CLC: variants seen among roughly 807,000 people sequenced by gnomAD.
CLC encodes the protein galectin-10.
A neutral mutation model predicts 13.9 loss-of-function variants in CLC; 15 were observed. The observed-to-expected ratio is 1.08, with a 90% CI of 0.72 to 1.66. The LOEUF (loss-of-function observed/expected upper bound fraction) is 1.66, where lower values mean the gene tolerates loss of function less well. Ranked by LOEUF, CLC falls within the 40% of genes most tolerant of loss-of-function variation. The pLI is 0.00. For synonymous variants in CLC, 68 were observed against 59.9 expected (o/e 1.14, Z -0.63); for missense variants, 161 against 169.1 (o/e 0.95, Z 0.27).
At chr19:39,734,728 G>T (rs1015398575) in intron 2 of CLC, among the ~76,000 whole-genome samples, 2 of 152,116 alleles carry the variant, frequency 1.3e-5, no homozygotes, top group Non-Finnish European at 2.9e-5. Context: ...CATATGAATT[G>T]CCCATTTTCT....
chr19:39,731,460 T>C lies in CLC; in HGVS notation c.349A>G (p.Lys117Glu), dbSNP rs1360617433. The change falls in exon 4 of 4, where the codon AAG becomes GAG. Residue 117 changes from lysine (K) to glutamate (E), a missense_variant. Lys to Glu is a moderately conservative substitution (Grantham distance 56). Coordinates refer to ENST00000221804, the MANE Select transcript of CLC (RefSeq NM_001828.6). ...TGCACCATCTTCACAGCCTCAGGCT[T>C]GATTCTATGGTCAAAGGTGTAAGAG... ...QSSYTFDHRI[K>E]PEAVKMVQVW... is the part of the protein sequence containing the mutation. The C allele has an allele frequency of 6.2e-7, 1 of 1,613,710 alleles. No homozygotes were observed.
intron 3 of CLC, 39 bp from the exon 4 acceptor site, chr19:39,731,544 C>T (rs747742417): frequency 1.9e-6 from 3 of 1,572,414 alleles, no homozygotes; most frequent in Non-Finnish European, 2.6e-6. Context: ...GACAGTATTT[C>T]ACCAAACAAG....
chr19:39,735,826 G>A lies in CLC; in HGVS notation c.16-753C>T, dbSNP rs185063673. On this transcript the variant is annotated intron_variant, in intron 1 of 3. Transcript: ENST00000221804. The stretch of plus-strand genomic sequence containing the variant: ...GGGTCCTTGTGGAACACTGACCTGC[G>A]ATCATCTTCAACTCTGAAACTGTGA... Among the ~76,000 whole-genome samples the A allele has an allele frequency of 3.9e-5, 6 of 152,262 alleles. No homozygotes were observed. In the East Asian group the frequency reaches 7.7e-4, roughly 20 times the overall value.
chr19:39,733,944 T>G (rs1967266620), intron 3 of CLC: 1 of 984,668 alleles, frequency 1.0e-6, no homozygotes, highest in Admixed American at 6.1e-5. Flanking sequence ...ATAGAGGATA[T>G]TCTCCATTTG....
At chr19:39,735,998 G>T (rs1291706053) in intron 1 of CLC, among the ~76,000 whole-genome samples, 1 of 152,060 alleles carries the variant, frequency 6.6e-6, no homozygotes, top group Non-Finnish European at 1.5e-5. Context: ...GTGTTTACTT[G>T]GCTAAAATCT....
chr19:39,732,434 A>C (rs1427370505), intron 3 of CLC, among the ~76,000 whole-genome samples: 39 of 76,592 alleles, frequency 5.1e-4, no homozygotes, highest in South Asian at 3.6e-3. Flanking sequence ...ATGGCTGCAT[A>C]GTATTCCATG....
chr19:39,734,197 A>T (rs1967271639), intron 3 of CLC, 86 bp downstream of exon 3: 2 of 1,438,766 alleles, frequency 1.4e-6, no homozygotes, highest in Non-Finnish European at 9.5e-7. Flanking sequence ...GGACAGAGGG[A>T]GTTATCTGGA....
At chr19:39,732,740 A>G (rs1055625739) in intron 3 of CLC, among the ~76,000 whole-genome samples, 2 of 151,022 alleles carry the variant, frequency 1.3e-5, no homozygotes, top group African/African-American at 4.9e-5. Flanking sequence ...CCTCTCCAGC[A>G]CCTGTTGTTT....
chr19:39,736,252 A>C (rs1967307995), intron 1 of CLC, among the ~76,000 whole-genome samples: 2 of 152,134 alleles, frequency 1.3e-5, no homozygotes, highest in African/African-American at 4.8e-5. Flanking sequence ...ACGAACAGGA[A>C]AGAACAGGAA....
chr19:39,731,270 T>C lies in CLC; in HGVS notation c.*110A>G. The stretch of plus-strand genomic sequence containing the variant: ...CCAAATTCTGTGAAGTTTGATTAAG[T>C]TTTAATGAGCAGGAGTAAGGATTGA... On this transcript the variant is annotated 3_prime_UTR_variant, in exon 4 of 4. Coordinates refer to ENST00000221804, the MANE Select transcript of CLC (RefSeq NM_001828.6). The C allele has an allele frequency of 8.1e-7, 1 of 1,231,916 alleles. No individual in the cohort carries two copies. The highest frequency in any genetic ancestry group is 1.2e-6 in the Non-Finnish European group (1 of 857,384). 76.3% of individuals were successfully genotyped at this position (1,231,916 alleles called of 1,614,324 possible).
chr19:39,734,715 G>A (rs545234087), intron 2 of CLC, among the ~76,000 whole-genome samples: 1 of 152,246 alleles, frequency 6.6e-6, no homozygotes, highest in East Asian at 1.9e-4. Context: ...TCACTGACTT[G>A]GTCATATGAA....
In CLC at chr19:39,735,089, G is replaced by A; in HGVS notation, c.16-16C>T. ...TGTATGGCACCTGCCAGGGGATTGAGAGTGGGTGAGAGAGGCAGGGCCAGG... is the reference window on the plus strand; with the variant it reads ...TGTATGGCACCTGCCAGGGGATTGAAAGTGGGTGAGAGAGGCAGGGCCAGG... On this transcript the variant is annotated splice_polypyrimidine_tract_variant and intron_variant, in intron 1 of 3. Coordinates refer to ENST00000221804, the MANE Select transcript of CLC (RefSeq NM_001828.6). The A allele has an allele frequency of 6.3e-7, 1 of 1,599,864 alleles. No individual in the cohort carries two copies. Among genetic ancestry groups the A allele is most frequent in the Non-Finnish European group, 8.6e-7 (1 of 1,167,170 alleles).
chr19:39,735,428 A>T (rs1600847089), intron 1 of CLC, among the ~76,000 whole-genome samples: 2 of 152,184 alleles, frequency 1.3e-5, no homozygotes. Context: ...GGCTCAAGCC[A>T]TCCTCTCAAT....
intron 1 of CLC, among the ~76,000 whole-genome samples, chr19:39,737,293 C>A (rs1161158763): frequency 6.6e-6 from 1 of 151,680 alleles, no homozygotes; most frequent in Non-Finnish European, 1.5e-5. Flanking sequence ...CTCATAAATG[C>A]TCAGAGATAA....
chr19:39,733,820 A>G (rs1967264408), intron 3 of CLC: 1 of 357,104 alleles, frequency 2.8e-6, no homozygotes, highest in Non-Finnish European at 3.6e-6. Context: ...TGTTCTGAGG[A>G]TTGGGATTGA....
chr19:39,734,204 T>C, intron 3 of CLC, 79 bp downstream of exon 3: 1 of 1,483,778 alleles, frequency 6.7e-7, no homozygotes, highest in Non-Finnish European at 9.2e-7. Flanking sequence ...GGGAGTTATC[T>C]GGAGTTAGGG....
intron 3 of CLC, chr19:39,733,986 T>A (rs1967267260): frequency 1.0e-6 from 1 of 985,194 alleles, no homozygotes; most frequent in Non-Finnish European, 1.2e-6. Context: ...ACATTGACCC[T>A]GGTCAGGTAT....
At chr19:39,737,408 C>A (rs1164461207) in intron 1 of CLC, among the ~76,000 whole-genome samples, 4 of 151,878 alleles carry the variant, frequency 2.6e-5, no homozygotes, top group Non-Finnish European at 2.9e-5. Flanking sequence ...TGGGGAGGAA[C>A]CTTCACATGC....
chr19:39,733,884 A>G lies in CLC; in HGVS notation c.303+399T>C, dbSNP rs1476248701. ...CTAAAACAATTTTATTCATGTGTAT[A>G]TCTTATCCATTTAGCTACATGAAAA... On this transcript the variant is annotated intron_variant, in intron 3 of 3. Coordinates refer to ENST00000221804, the MANE Select transcript of CLC (RefSeq NM_001828.6). The G allele has an allele frequency of 4.2e-6, 4 of 959,148 alleles. No homozygotes were observed. The African/African-American group carries it at 5.3e-5, about 13-fold the overall frequency. 59.4% of individuals were successfully genotyped at this position (959,148 alleles called of 1,614,324 possible).
Sources: gnomAD v4.1 joint callset for allele counts (sites outside exome capture counted in the v4.1 genomes callset) on GRCh38, gnomAD v4.1.1 for gene constraint, MANE v1.5 for transcripts, NCBI Gene and HGNC (gene_info 2026-07-23, HGNC 2026-07-21) for gene names.